The following SGO2 variants were observed in gnomAD, a reference collection of about 807,000 sequenced individuals.
SGO2 encodes shugoshin 2, also known as shugoshin-like 2.
Under a neutral mutation model 99.5 loss-of-function variants are expected in SGO2, and 68 were observed. The ratio of observed to expected loss-of-function variants is 0.68; its 90% CI spans 0.56 to 0.84. The LOEUF (loss-of-function observed/expected upper bound fraction) is 0.84. SGO2 is among the 40% of genes least tolerant of loss of function. SGO2 has a pLI of 0.00. For synonymous variants in SGO2, 457 were observed against 487.1 expected (o/e 0.94, Z 0.81); for missense variants, 1,350 against 1,436.7 (o/e 0.94, Z 0.97).
intron 5 of SGO2, among the ~76,000 whole-genome samples, chr2:200,553,872 G>A (rs1045332135): frequency 6.6e-6 from 1 of 152,100 alleles, no homozygotes; most frequent in African/African-American, 2.4e-5. Flanking sequence ...GTCAGAAAAT[G>A]ACATTATTTA....
At chr2:200,565,591 A>G (rs886443567) in intron 5 of SGO2, among the ~76,000 whole-genome samples, 1 of 152,016 alleles carries the variant, frequency 6.6e-6, no homozygotes, top group Non-Finnish European at 1.5e-5. Flanking sequence ...TGTATTTCCT[A>G]AATTTGAATG....
intron 5 of SGO2, among the ~76,000 whole-genome samples, chr2:200,559,175 T>A (rs1434182312): frequency 2.0e-5 from 3 of 152,110 alleles, no homozygotes; most frequent in Non-Finnish European, 2.9e-5. Flanking sequence ...GTTTGTAAAA[T>A]TTTTTTTAAA....
At chr2:200,538,371 A>C (rs550482367) in intron 4 of SGO2, among the ~76,000 whole-genome samples, 97 of 152,278 alleles carry the variant, frequency 6.4e-4, no homozygotes, top group African/African-American at 2.0e-3. Flanking sequence ...CCGTCCTTCA[A>C]ATGTTGACTC....
chr2:200,538,157 CT>C (rs1226376795), intron 4 of SGO2, among the ~76,000 whole-genome samples: 1 of 152,120 alleles, frequency 6.6e-6, no homozygotes, highest in Non-Finnish European at 1.5e-5. Flanking sequence ...ATGTTAGTCT[CT>C]GCTTCAAACT....
At chr2:200,548,704 T>G (rs1478258904) in intron 5 of SGO2, among the ~76,000 whole-genome samples, 1 of 151,972 alleles carries the variant, frequency 6.6e-6, no homozygotes, top group African/African-American at 2.4e-5. Context: ...TGACAAACCT[T>G]TAGCTAGACT....
intron 5 of SGO2, among the ~76,000 whole-genome samples, chr2:200,564,097 T>C (rs553233282): frequency 4.6e-5 from 7 of 152,360 alleles, no homozygotes; most frequent in Admixed American, 4.6e-4. Context: ...GCTTGCCTTT[T>C]GCTAGCTTTT....
intron 5 of SGO2, among the ~76,000 whole-genome samples, chr2:200,545,550 A>T (rs1391516849): frequency 6.6e-6 from 1 of 151,934 alleles, no homozygotes; most frequent in East Asian, 1.9e-4. Flanking sequence ...ACAAAACAAA[A>T]CAAAACAAAA....
chr2:200,564,448 T>C (rs2033103740), intron 5 of SGO2, among the ~76,000 whole-genome samples: 1 of 152,238 alleles, frequency 6.6e-6, no homozygotes, highest in African/African-American at 2.4e-5. Context: ...ATTTCTGTTC[T>C]TTTACATTTG....
intron 7 of SGO2, among the ~76,000 whole-genome samples, chr2:200,574,418 T>C (rs372097322): frequency 2.0e-5 from 3 of 152,040 alleles, no homozygotes; most frequent in South Asian, 4.1e-4. Context: ...CTAGATATTA[T>C]AGAGGACTGA....
At chr2:200,545,208 T>C (rs2032158653) in intron 5 of SGO2, among the ~76,000 whole-genome samples, 1 of 152,160 alleles carries the variant, frequency 6.6e-6, no homozygotes. Context: ...GGTTTTGCCA[T>C]GTTGCCCAGG....
Position 200,583,853 on chromosome 2 carries a change from G to A in SGO2, c.*389G>A, listed in dbSNP as rs2033912548. 1 of 153,712 alleles carries A rather than the reference G, an allele frequency of 6.5e-6. No individual in the cohort carries two copies. Among genetic ancestry groups the A allele is most frequent in the Admixed American group, 6.5e-5 (1 of 15,324 alleles). The allele number at this position is 153,712 out of a possible 1,614,324, so 9.5% of individuals were successfully genotyped here. ...TCTGTTTTTAACCCATTCAATATAT[G>A]TGGACATCCAAAAGGGTTTAAAAGC... On this transcript the variant is annotated 3_prime_UTR_variant, in exon 9 of 9. Coordinates refer to ENST00000357799, the MANE Select transcript of SGO2 (RefSeq NM_152524.6).
chr2:200,583,212 A>T lies in SGO2; in HGVS notation c.3783-237A>T, dbSNP rs978037252. 2.6e-5 allele frequency among the ~76,000 whole-genome samples: 4 copies of T among 152,350 alleles called. No homozygotes were observed. In the East Asian group the frequency reaches 7.7e-4, roughly 29 times the overall value. On this transcript the variant is annotated intron_variant, in intron 8 of 8. Transcript: ENST00000357799. ...GAACTATGTAATAAACATGTAATAT[A>T]TAAAATCTATGTTGATTAATTTTTC...
Position 200,569,882 on chromosome 2 carries a change from A to G in SGO2, c.693A>G (p.Val231=). ...AACATATTTCTTCTATAGTTGATGTACCTCCCAGAGGTGAGATTGTTTTAA... is the reference window on the plus strand; with the variant it reads ...AACATATTTCTTCTATAGTTGATGTGCCTCCCAGAGGTGAGATTGTTTTAA... ...DSEHISSIVD[V]PPRESHSHSD... The change falls in exon 6 of 9, where the codon GTA becomes GTG. Residue 231 remains valine, a synonymous_variant. Transcript: ENST00000357799. The G allele has an allele frequency of 6.3e-7, 1 of 1,578,050 alleles. No homozygotes were observed. The highest frequency in any genetic ancestry group is 8.7e-7 in the Non-Finnish European group (1 of 1,148,632).
intron 4 of SGO2, among the ~76,000 whole-genome samples, chr2:200,538,294 C>T (rs779142553): frequency 2.2e-4 from 34 of 152,242 alleles, no homozygotes; most frequent in Non-Finnish European, 4.4e-4. Context: ...GTTCTCTTCC[C>T]ACTCCCTCAG....
In SGO2 at chr2:200,569,881, T is replaced by G. The variant is rs770100169; in HGVS notation, c.692T>G (p.Val231Gly). The G allele has an allele frequency of 1.2e-5, 19 of 1,577,944 alleles. No individual in the cohort carries two copies. The Admixed American group carries it at 3.0e-4, about 25-fold the overall frequency. ...DSEHISSIVD[V>G]PPRESHSHSD... is the part of the protein sequence containing the mutation. The stretch of plus-strand genomic sequence containing the variant: ...GAACATATTTCTTCTATAGTTGATG[T>G]ACCTCCCAGAGGTGAGATTGTTTTA... The change falls in exon 6 of 9, where the codon GTA becomes GGA. Residue 231 changes from valine to glycine, a missense_variant. Val to Gly is a moderately radical substitution (Grantham distance 109). Transcript: ENST00000357799.
chr2:200,532,943 A>C (rs775317775), intron 1 of SGO2, 31 bp from the exon 2 acceptor site: 1 of 1,590,570 alleles, frequency 6.3e-7, no homozygotes, highest in East Asian at 2.2e-5. Flanking sequence ...TTTATTAATC[A>C]ATACTATGAT....
chr2:200,548,297 T>C (rs1331490875), intron 5 of SGO2, among the ~76,000 whole-genome samples: 2 of 151,692 alleles, frequency 1.3e-5, no homozygotes, highest in African/African-American at 4.9e-5. Flanking sequence ...GGAAGAAAAC[T>C]GGAAATTAAA....
At chr2:200,580,841 A>T (rs953348718) in intron 8 of SGO2, among the ~76,000 whole-genome samples, 1 of 152,176 alleles carries the variant, frequency 6.6e-6, no homozygotes, top group African/African-American at 2.4e-5. Flanking sequence ...AATAAAAATA[A>T]GTAAATAGAA....
Position 200,571,567 on chromosome 2 carries a change from A to G in SGO2, c.1221A>G (p.Glu407=). 1 of 1,612,184 alleles carries G rather than the reference A, an allele frequency of 6.2e-7. No individual in the cohort carries two copies. The highest frequency in any genetic ancestry group is 8.5e-7 in the Non-Finnish European group (1 of 1,179,496). ...TFRKVKDSSS[E]KKRERSKRQF... ...GAAAAGTGAAAGATTCCAGCTCTGA[A>G]AAAAAGAGAGAAAGATCAAAGAGAC... Residue 407 remains glutamate, a synonymous_variant, in exon 7 of 9, where the codon GAA becomes GAG. Transcript: ENST00000357799.
Sources: allele counts gnomAD v4.1 joint callset (sites outside exome capture counted in the v4.1 genomes callset), GRCh38; gene constraint gnomAD v4.1.1; transcripts MANE v1.5; gene names NCBI Gene and HGNC (gene_info 2026-07-23, HGNC 2026-07-21).